The following SLC66A2 variants were observed in gnomAD, a reference collection of about 807,000 sequenced individuals.
The protein encoded by SLC66A2 is solute carrier family 66 member 2.
A neutral mutation model predicts 25.5 loss-of-function variants in SLC66A2; 23 were observed. That is an observed-to-expected ratio of 0.90 (90% confidence interval 0.65 to 1.28). The LOEUF (loss-of-function observed/expected upper bound fraction) is 1.28, where lower values mean the gene tolerates loss of function less well. Ranked by LOEUF, SLC66A2 falls within the 50% of genes most tolerant of loss-of-function variation. The pLI is 0.00. For missense variants in SLC66A2, 396 were observed against 373.1 expected (o/e 1.06, Z -0.51); for synonymous variants, 193 against 166.5 (o/e 1.16, Z -1.23).
rs781097872 is a variant in SLC66A2, at chr18:79,933,963, A to G, written c.391+6T>C. ...GCTGCGGACAGTGCACGCGCAGGGT[A>G]CATACCCAGGAAGGACCGCCTGGGG... On this transcript the variant is annotated splice_donor_region_variant and intron_variant, in intron 4 of 5. Transcript: ENST00000397778. 1.1e-5 allele frequency: 18 copies of G among 1,611,082 alleles called. No individual in the cohort carries two copies. The highest frequency in any genetic ancestry group is 1.5e-5 in the Non-Finnish European group (18 of 1,178,886).
intron 3 of SLC66A2, among the ~76,000 whole-genome samples, chr18:79,936,603 T>C (rs908234905): frequency 2.0e-5 from 3 of 152,198 alleles, no homozygotes; most frequent in Non-Finnish European, 4.4e-5. Context: ...TTCAACCACC[T>C]GACTTTGAGC....
At position 79,919,466 on chromosome 18, in the gene SLC66A2, G is replaced by A. The variant is rs1218647816; in HGVS notation, c.392-66C>T. 24 of 1,394,690 alleles carry A rather than the reference G, an allele frequency of 1.7e-5. No homozygotes were observed. In the African/African-American group the frequency reaches 1.9e-4, roughly 11 times the overall value. The allele number at this position is 1,394,690 out of a possible 1,614,324, so 86.4% of individuals were successfully genotyped here. ...TCCAGGTGAGGAGTCAAGGTCAGTG[G>A]GGAGAGACGGAACCGAGTGAGAGGT... On this transcript the variant is annotated intron_variant, in intron 4 of 5. Transcript: ENST00000397778.
Position 79,943,428 on chromosome 18 carries a change from G to A in SLC66A2, c.238C>T (p.Gln80Ter). ...GRRFESPLLWQSAIMILTMLL... is the reference protein window; with the variant it reads ...GRRFESPLLW ...ATGGTCAGGATCATGATGGCGCTCT[G>A]CCACAGCAGCGGGGACTCAAAGCGC... is the stretch of plus-strand genomic sequence containing the variant. Residue 80 changes from glutamine (Q) to a stop codon, truncating the protein, a stop_gained, in exon 3 of 6, where the codon CAG (glutamine) becomes TAG (stop). Transcript: ENST00000397778. LOFTEE classifies it high-confidence loss of function. 2 of 1,614,168 alleles carry A rather than the reference G, an allele frequency of 1.2e-6. No homozygotes were observed. Among genetic ancestry groups the A allele is most frequent in the Non-Finnish European group, 1.7e-6 (2 of 1,180,002 alleles).
intron 4 of SLC66A2, among the ~76,000 whole-genome samples, chr18:79,926,628 C>T (rs1214682503): frequency 5.3e-5 from 8 of 151,844 alleles, no homozygotes; most frequent in African/African-American, 1.9e-4. Context: ...GGCCACACTG[C>T]TCAGGGACAT....
intron 2 of SLC66A2, among the ~76,000 whole-genome samples, chr18:79,945,863 G>A (rs966717943): frequency 1.3e-5 from 2 of 152,238 alleles, no homozygotes; most frequent in African/African-American, 4.8e-5. Flanking sequence ...GCTACCAAGC[G>A]GCCTGGGTGC....
intron 4 of SLC66A2, among the ~76,000 whole-genome samples, chr18:79,928,678 C>T (rs756261231): frequency 6.1e-4 from 93 of 152,316 alleles, no homozygotes; most frequent in Non-Finnish European, 9.8e-4. Context: ...GTGACAAAAG[C>T]TCTACTCCCA....
At position 79,904,182 on chromosome 18, in the gene SLC66A2, T is replaced by A. The variant is rs1427314584; in HGVS notation, c.610A>T (p.Ile204Phe). ...HRHQSTEGMS[I>F]KMVLMWTSGD... ...CTGGTCCACATGAGCACCATCTTGATGCTGTGGAGACACAAGCAGGCGGTC... is the reference window on the plus strand; with the variant it reads ...CTGGTCCACATGAGCACCATCTTGAAGCTGTGGAGACACAAGCAGGCGGTC... Residue 204 changes from isoleucine (I) to phenylalanine (F), a missense_variant and splice_region_variant, in exon 6 of 6, where the codon ATC becomes TTC. Transcript: ENST00000397778. The surrounding 1 kb of genome is among the most constrained non-coding windows in gnomAD (Gnocchi z 6.3). The A allele has an allele frequency of 6.2e-7, 1 of 1,612,556 alleles. No homozygotes were observed. Among genetic ancestry groups the A allele is most frequent in the Non-Finnish European group, 8.5e-7 (1 of 1,179,690 alleles).
intron 3 of SLC66A2, among the ~76,000 whole-genome samples, chr18:79,935,695 A>C (rs1987011748): frequency 6.6e-6 from 1 of 152,136 alleles, no homozygotes; most frequent in Non-Finnish European, 1.5e-5. Context: ...GTTGTGAGGA[A>C]GCCCAGGTCT....
At chr18:79,908,888 G>A (rs1253589537) in intron 5 of SLC66A2, among the ~76,000 whole-genome samples, 6 of 152,096 alleles carry the variant, frequency 3.9e-5, no homozygotes, top group Admixed American at 6.5e-5. Context: ...CGGTCTTCCC[G>A]TTCATTCCAA....
intron 2 of SLC66A2, among the ~76,000 whole-genome samples, chr18:79,947,620 A>C (rs1182050980): frequency 1.4e-3 from 2 of 1,448 alleles, no homozygotes; most frequent in African/African-American, 1.6e-3. Context: ...GCCCCTTCTC[A>C]CCGGAGCCTG....
Position 79,904,258 on chromosome 18 carries a change from C to T in SLC66A2, c.609-75G>A. 7.3e-7 allele frequency: 1 copy of T among 1,367,696 alleles called. No individual in the cohort carries two copies. Among genetic ancestry groups the T allele is most frequent in the South Asian group, 1.2e-5 (1 of 84,208 alleles). The allele number at this position is 1,367,696 out of a possible 1,614,324, so 84.7% of individuals were successfully genotyped here. On this transcript the variant is annotated intron_variant, in intron 5 of 5. Transcript: ENST00000397778. The surrounding 1 kb of genome is among the most constrained non-coding windows in gnomAD (Gnocchi z 6.3). ...GCTCAGTCAGTGGGGAGGCCTGGGGCTTAGACAGCGGGGAGACCTGGGGCT... is the reference window on the plus strand; with the variant it reads ...GCTCAGTCAGTGGGGAGGCCTGGGGTTTAGACAGCGGGGAGACCTGGGGCT...
At chr18:79,908,789 G>A (rs191043977) in intron 5 of SLC66A2, among the ~76,000 whole-genome samples, 43 of 152,204 alleles carry the variant, frequency 2.8e-4, no homozygotes, top group Middle Eastern at 3.4e-3. Context: ...CAGTTGTGTC[G>A]TGAAATATAT....
At chr18:79,916,662 C>T (rs1338856874) in intron 5 of SLC66A2, among the ~76,000 whole-genome samples, 1 of 152,266 alleles carries the variant, frequency 6.6e-6, no homozygotes, top group African/African-American at 2.4e-5. Context: ...TGAACAGGAG[C>T]TCATCTGTGT....
chr18:79,934,022 G>T lies in SLC66A2; in HGVS notation c.338C>A (p.Ala113Asp). Reference protein sequence around the residue: ...ELNARRRSFTAADSKDEEVKV... With the variant: ...ELNARRRSFTDADSKDEEVKV... ...GACTTCTTCATCCTTGCTATCTGCAGCTACACGTTAAAAAGGGAGACAGAA... is the reference window on the plus strand; with the variant it reads ...GACTTCTTCATCCTTGCTATCTGCATCTACACGTTAAAAAGGGAGACAGAA... The change falls in exon 4 of 6, where the codon GCT becomes GAT. Residue 113 changes from alanine (A) to aspartate (D), a missense_variant and splice_region_variant. Transcript: ENST00000397778. The T allele has an allele frequency of 6.2e-7, 1 of 1,611,648 alleles. No individual in the cohort carries two copies. Among genetic ancestry groups the T allele is most frequent in the African/African-American group, 1.3e-5 (1 of 74,960 alleles).
At chr18:79,911,729 G>GGGGAGGGGACGGGAGCA (rs1433854525) in intron 5 of SLC66A2, among the ~76,000 whole-genome samples, 18 of 152,020 alleles carry the variant, frequency 1.2e-4, no homozygotes, top group African/African-American at 2.9e-4. Context: ...TTAGAGGGCA[G>GGGGAGGGGACGGGAGCA]GGGAGGGGAC....
intron 4 of SLC66A2, among the ~76,000 whole-genome samples, chr18:79,932,996 CA>C (rs754918808): frequency 2.6e-5 from 4 of 152,286 alleles, no homozygotes; most frequent in South Asian, 4.1e-4. Flanking sequence ...AAAGTCATCA[CA>C]AGAAAACTAC....
chr18:79,911,945 A>G (rs1252644004), intron 5 of SLC66A2, among the ~76,000 whole-genome samples: 36 of 44,038 alleles, frequency 8.2e-4, no homozygotes, highest in Non-Finnish European at 9.3e-4. Context: ...ACAGCAGCAG[A>G]GAGGGGACGG....
In SLC66A2 at chr18:79,940,844, A is replaced by G. The variant is rs1987599432; in HGVS notation, c.337+2485T>C. Among the ~76,000 whole-genome samples the G allele has an allele frequency of 6.6e-6, 1 of 152,118 alleles. No individual in the cohort carries two copies. The highest frequency in any genetic ancestry group is 6.5e-5 in the Admixed American group (1 of 15,272). On this transcript the variant is annotated intron_variant, in intron 3 of 5. Transcript: ENST00000397778. This position sits in a 1 kb window ranked among gnomAD's most constrained non-coding sequence, Gnocchi z 4.1. ...TGAGAATTCTTTAACACACACAGCT[A>G]CACCCCAGGACACAGAGCTCAAGAG...
intron 1 of SLC66A2, 130 bp downstream of exon 1, chr18:79,951,451 A>C (rs1156918429): frequency 1.3e-5 from 2 of 152,462 alleles, no homozygotes; most frequent in African/African-American, 4.9e-5. Context: ...TCGCGGGAGG[A>C]GGTGCCGGGC....
Sources: allele counts gnomAD v4.1 joint callset (sites outside exome capture counted in the v4.1 genomes callset), GRCh38; gene constraint gnomAD v4.1.1; non-coding constraint Gnocchi (gnomAD v3.1); transcripts MANE v1.5; gene names NCBI Gene and HGNC (gene_info 2026-07-23, HGNC 2026-07-21).